RUVBL2: variants seen among roughly 807,000 people sequenced by gnomAD.
RUVBL2 encodes the protein ruvB-like 2.
Under a neutral mutation model 57.9 loss-of-function variants are expected in RUVBL2, and 9 were observed. The ratio of observed to expected loss-of-function variants is 0.16; its 90% CI spans 0.09 to 0.27. The LOEUF (loss-of-function observed/expected upper bound fraction) is 0.27, where lower values mean the gene tolerates loss of function less well. Ranked by LOEUF, RUVBL2 falls within the 10% of genes least tolerant of loss-of-function variation. RUVBL2 has a pLI of 1.00. For missense variants in RUVBL2, 456 were observed against 669.6 expected, an observed-to-expected ratio of 0.68 and a Z score of 3.52; for synonymous variants, 278 against 264.6, an observed-to-expected ratio of 1.05 and a Z score of -0.49.
At chr19:49,015,459 TC>T (rs2039527388) in intron 13 of RUVBL2, 112 bp from the exon 14 acceptor site, 1 of 891,198 alleles carries the variant, frequency 1.1e-6, no homozygotes, top group Non-Finnish European at 1.8e-6. Flanking sequence ...CAGAATGCCC[TC>T]CCCTCACATG....
At chr19:49,014,707 C>A in intron 12 of RUVBL2, 104 bp downstream of exon 12, 1 of 1,474,428 alleles carries the variant, frequency 6.8e-7, no homozygotes, top group South Asian at 1.3e-5. Flanking sequence ...GTGGCTGGGC[C>A]TACAGGAGAG....
chr19:49,013,576 A>C (rs2039479014), intron 11 of RUVBL2, among the ~76,000 whole-genome samples: 1 of 152,132 alleles, frequency 6.6e-6, no homozygotes, highest in East Asian at 1.9e-4. Context: ...TCCATGTTAG[A>C]GAATAAACAG....
intron 2 of RUVBL2, among the ~76,000 whole-genome samples, chr19:49,000,720 C>T (rs1402458384): frequency 4.6e-5 from 7 of 151,974 alleles, no homozygotes; most frequent in Non-Finnish European, 8.8e-5. Context: ...CAAAAATTAG[C>T]CAGGCATGGT....
intron 8 of RUVBL2, 23 bp from the exon 9 acceptor site, chr19:49,010,465 C>CG: frequency 4.3e-6 from 6 of 1,388,404 alleles, no homozygotes; most frequent in Admixed American, 1.8e-5. Context: ...CTCCGCCGTT[C>CG]TTCCCCCACC....
chr19:49,004,593 T>C (rs1030862775), intron 4 of RUVBL2, among the ~76,000 whole-genome samples, 175 bp downstream of exon 4: 6 of 152,160 alleles, frequency 3.9e-5, no homozygotes, highest in African/African-American at 1.4e-4. Flanking sequence ...TTGGGGCTTA[T>C]TAAGCAGTTC....
Position 49,010,200 on chromosome 19 carries a change from C to T in RUVBL2, c.663+134C>T, listed in dbSNP as rs771691570. ...TTTGTCCTGGTACTCCTGGGTCTTC[C>T]CTGTAACCCTAGGACAGCAGGGCCC... On this transcript the variant is annotated intron_variant, in intron 8 of 14. Coordinates refer to ENST00000595090, the MANE Select transcript of RUVBL2 (RefSeq NM_006666.3). 34 of 889,564 alleles carry T rather than the reference C, an allele frequency of 3.8e-5. No individual in the cohort carries two copies. In the Admixed American group the frequency reaches 5.8e-4, roughly 15 times the overall value. The allele number at this position is 889,564 out of a possible 1,614,324, so 55.1% of individuals were successfully genotyped here.
chr19:48,994,007 G>A lies in RUVBL2; in HGVS notation c.12+84G>A. On this transcript the variant is annotated intron_variant, in intron 1 of 14. Transcript: ENST00000595090. Reference sequence around the variant, plus strand: ...AGGATGCTGGAGGCCCTGACTCCTGGGTCTGAGGGAGGGGGGATCTGGGGG... The same window carrying A: ...AGGATGCTGGAGGCCCTGACTCCTGAGTCTGAGGGAGGGGGGATCTGGGGG... The A allele has an allele frequency of 2.6e-6, 4 of 1,544,298 alleles. No homozygotes were observed. In the South Asian group the frequency reaches 4.5e-5, roughly 17 times the overall value.
intron 2 of RUVBL2, among the ~76,000 whole-genome samples, chr19:49,002,451 G>T (rs577785907): frequency 1.3e-5 from 2 of 152,086 alleles, no homozygotes; most frequent in Non-Finnish European, 2.9e-5. Flanking sequence ...TTCCCCTCTC[G>T]CTGGCTGTGT....
intron 2 of RUVBL2, 151 bp downstream of exon 2, chr19:48,999,524 G>C (rs2039135159): frequency 1.2e-5 from 9 of 774,522 alleles, no homozygotes; most frequent in Non-Finnish European, 2.0e-5. Flanking sequence ...CCTATCTAAT[G>C]GGGGAGGAGG....
chr19:49,010,482 C>CCCCCACCAA lies in RUVBL2; in HGVS notation c.664-5_664-4insCCCACCAAC. On this transcript the variant is annotated splice_polypyrimidine_tract_variant and splice_region_variant and intron_variant, in intron 8 of 14. Transcript: ENST00000595090. ...CCGCCGTTCTTCCCCCACCCCCGCCCCATAGACCAAGTTCGTGCAGTGCCC... is the reference window on the plus strand; with the variant it reads ...CCGCCGTTCTTCCCCCACCCCCGCCCCCCCACCAACATAGACCAAGTTCGTGCAGTGCCC... 1.2e-6 allele frequency: 2 copies of CCCCCACCAA among 1,605,464 alleles called. No homozygotes were observed. The highest frequency in any genetic ancestry group is 1.7e-6 in the Non-Finnish European group (2 of 1,173,100).
chr19:48,993,805 G>C (rs1000257583), upstream of RUVBL2: 2 of 1,408,422 alleles, frequency 1.4e-6, no homozygotes, highest in Non-Finnish European at 2.0e-6. Context: ...ACATATTTAT[G>C]AGGAACCATC....
intron 11 of RUVBL2, among the ~76,000 whole-genome samples, chr19:49,013,150 G>A (rs1224256854): frequency 6.6e-6 from 1 of 152,112 alleles, no homozygotes; most frequent in African/African-American, 2.4e-5. Flanking sequence ...TTTTAGTAGA[G>A]ACAGGGTTTC....
chr19:48,998,613 G>A (rs1192652555), intron 1 of RUVBL2, among the ~76,000 whole-genome samples: 1 of 152,024 alleles, frequency 6.6e-6, no homozygotes, highest in Non-Finnish European at 1.5e-5. Flanking sequence ...GGAGGCTGAG[G>A]CGGGAGAATC....
intron 2 of RUVBL2, among the ~76,000 whole-genome samples, chr19:49,002,305 C>T (rs1355610513): frequency 6.6e-6 from 1 of 152,192 alleles, no homozygotes; most frequent in East Asian, 1.9e-4. Context: ...TTGCCTCTGC[C>T]TCCCGAAGTG....
intron 1 of RUVBL2, among the ~76,000 whole-genome samples, 174 bp from the exon 2 acceptor site, chr19:48,999,145 C>T: frequency 6.6e-6 from 1 of 152,238 alleles, no homozygotes. Flanking sequence ...TGGGGCTCAA[C>T]CAACCAGCCA....
chr19:49,010,891 G>A, intron 9 of RUVBL2, 108 bp from the exon 10 acceptor site: 2 of 1,043,518 alleles, frequency 1.9e-6, no homozygotes, highest in Non-Finnish European at 2.9e-6. Flanking sequence ...TCCTTGCTTT[G>A]CTCCCCTTCC....
At chr19:48,994,781 TGTG>T (rs1196212506) in intron 1 of RUVBL2, 1 of 151,968 alleles carries the variant, frequency 6.6e-6, no homozygotes, top group South Asian at 2.1e-4. Flanking sequence ...ATTAGCCAGG[TGTG>T]GTGGTGCAGG....
At chr19:48,999,439 T>C (rs2039133115) in intron 2 of RUVBL2, 66 bp downstream of exon 2, 10 of 1,533,770 alleles carry the variant, frequency 6.5e-6, no homozygotes, top group Non-Finnish European at 9.0e-6. Context: ...AGAGCAAACC[T>C]ATTGAGGACC....
At position 49,010,619 on chromosome 19, in the gene RUVBL2, C is replaced by A. The variant is rs2039398528; in HGVS notation, c.787+8C>A. On this transcript the variant is annotated splice_region_variant and intron_variant, in intron 9 of 14. Transcript: ENST00000595090. ...TCCTGGCGCTCTTCTCAGGTGAGGC[C>A]CCTCCTGCCCTGCCCTGCCCTGCCC... The A allele has an allele frequency of 1.2e-6, 2 of 1,613,302 alleles. No individual in the cohort carries two copies. Among genetic ancestry groups the A allele is most frequent in the Non-Finnish European group, 1.7e-6 (2 of 1,179,868 alleles).
Sources: allele counts gnomAD v4.1 joint callset (sites outside exome capture counted in the v4.1 genomes callset), GRCh38; gene constraint gnomAD v4.1.1; transcripts MANE v1.5; gene names NCBI Gene and HGNC (gene_info 2026-07-23, HGNC 2026-07-21).